ALMS1: variants seen among roughly 807,000 people sequenced by gnomAD.
The protein encoded by ALMS1 is centrosome-associated protein ALMS1.
A neutral mutation model predicts 352.2 loss-of-function variants in ALMS1; 271 were observed. The observed-to-expected ratio is 0.77, with a 90% confidence interval of 0.70 to 0.85. The LOEUF is 0.85. Ranked by LOEUF, ALMS1 falls within the 40% of genes least tolerant of loss-of-function variation. The pLI is 0.00. For missense variants in ALMS1, 5,445 were observed against 4,870.7 expected (o/e 1.12, Z -3.51); for synonymous variants, 1,865 against 1,761.2 (o/e 1.06, Z -1.48).
At chr2:73,480,871 CTTCTT>C (rs1672686265) in intron 9 of ALMS1, among the ~76,000 whole-genome samples, 1 of 150,278 alleles carries the variant, frequency 6.7e-6, no homozygotes, top group Admixed American at 6.7e-5. Flanking sequence ...GCATAAATGT[CTTCTT>C]TTGAGAAGTG....
intron 16 of ALMS1, among the ~76,000 whole-genome samples, chr2:73,573,751 TG>T (rs1043847118): frequency 1.9e-5 from 2 of 105,370 alleles, no homozygotes; most frequent in Admixed American, 8.5e-5. Context: ...TATGTTTATT[TG>T]GGTTTTTTTT....
intron 9 of ALMS1, among the ~76,000 whole-genome samples, chr2:73,462,260 G>A (rs1360618057): frequency 1.9e-4 from 28 of 150,934 alleles, no homozygotes; most frequent in Middle Eastern, 3.4e-3. Flanking sequence ...CGGATCTCTC[G>A]GCAGAAACCC....
chr2:73,425,218 A>G (rs1408013548), intron 5 of ALMS1, among the ~76,000 whole-genome samples: 1 of 152,182 alleles, frequency 6.6e-6, no homozygotes, highest in Non-Finnish European at 1.5e-5. Flanking sequence ...GCTGAGATTG[A>G]GGTGAAACAA....
intron 13 of ALMS1, among the ~76,000 whole-genome samples, chr2:73,556,391 A>C (rs1486016242): frequency 6.6e-6 from 1 of 152,206 alleles, no homozygotes; most frequent in Non-Finnish European, 1.5e-5. Flanking sequence ...AAAATCAAAA[A>C]TGATCAAAAA....
At chr2:73,522,106 G>A (rs1673693360) in intron 11 of ALMS1, among the ~76,000 whole-genome samples, 1 of 152,130 alleles carries the variant, frequency 6.6e-6, no homozygotes, top group African/African-American at 2.4e-5. Context: ...TAGACAGGCA[G>A]TCCAGTGTAA....
intron 10 of ALMS1, among the ~76,000 whole-genome samples, chr2:73,497,855 C>T (rs148779727): frequency 3.6e-4 from 55 of 152,054 alleles, no homozygotes; most frequent in East Asian, 3.5e-3. Flanking sequence ...AGTGTGTGCA[C>T]GTGTCTTTTT....
chr2:73,443,990 A>G (rs2103762487), intron 7 of ALMS1, among the ~76,000 whole-genome samples: 1 of 152,110 alleles, frequency 6.6e-6, no homozygotes, highest in Admixed American at 6.5e-5. Flanking sequence ...ATTGGGGTTT[A>G]TGTTCCCTGC....
At position 73,385,952 on chromosome 2, in the gene ALMS1, G is replaced by A. The variant is rs1320426629; in HGVS notation, c.84G>A (p.Glu28=). The change falls in exon 1 of 23, where the codon GAG becomes GAA. Residue 28 remains glutamate, a synonymous_variant. Coordinates refer to ENST00000613296, the MANE Select transcript of ALMS1 (RefSeq NM_001378454.1). ...AGGAGGAGGAGGAGGAAGAGGAGGA[G>A]GCTGCAGCGGCGGCGGCGGCGAACG... ...EEEEEEEEEE[E]AAAAAAANVD... The A allele has an allele frequency of 1.5e-6, 2 of 1,349,680 alleles. No homozygotes were observed. The highest frequency in any genetic ancestry group is 2.1e-6 in the Non-Finnish European group (2 of 965,596). 83.6% of individuals were successfully genotyped at this position (1,349,680 alleles called of 1,614,324 possible).
chr2:73,451,865 G>A lies in ALMS1; in HGVS notation c.5338G>A (p.Glu1780Lys). The change falls in exon 8 of 23, where the codon GAA (glutamate) becomes AAA (lysine). Residue 1780 changes from glutamate to lysine, a missense_variant. By Grantham distance (56) the Glu-to-Lys change is moderately conservative (BLOSUM62 1). Coordinates refer to ENST00000613296, the MANE Select transcript of ALMS1 (RefSeq NM_001378454.1). ...AGAGTTGCCAGATAGTCATCTAACT[G>A]AAGAGGCTCTGAAAGTTTCAAATGT... ...QQELPDSHLT[E>K]EALKVSNVPG... The A allele has an allele frequency of 6.2e-7, 1 of 1,613,350 alleles. No individual in the cohort carries two copies. The highest frequency in any genetic ancestry group is 2.2e-5 in the East Asian group (1 of 44,846).
intron 15 of ALMS1, among the ~76,000 whole-genome samples, chr2:73,571,721 TA>T (rs1041274661): frequency 5.0e-4 from 76 of 151,246 alleles, no homozygotes; most frequent in Non-Finnish European, 9.9e-4. Flanking sequence ...TTTACCACAA[TA>T]AAAAAAAATT....
chr2:73,451,212 G>A lies in ALMS1; in HGVS notation c.4685G>A (p.Gly1562Asp). 3.7e-6 allele frequency: 6 copies of A among 1,610,664 alleles called. No homozygotes were observed. Among genetic ancestry groups the A allele is most frequent in the Non-Finnish European group, 4.2e-6 (5 of 1,179,074 alleles). The stretch of plus-strand genomic sequence containing the variant: ...CCTGGACCAGCTGACCAGACAACTG[G>A]CATACCAACCATAACCTCTACTTCC... The part of the protein sequence containing the change: ...SAPGPADQTT[G>D]IPTITSTSYS... Residue 1562 changes from glycine (G) to aspartate (D), a missense_variant, in exon 8 of 23, where the codon GGC (glycine) becomes GAC (aspartate). Gly to Asp is a moderately conservative substitution (Grantham distance 94, BLOSUM62 -1). Coordinates refer to ENST00000613296, the MANE Select transcript of ALMS1 (RefSeq NM_001378454.1).
chr2:73,575,572 T>C (rs1675034856), intron 16 of ALMS1, among the ~76,000 whole-genome samples: 1 of 152,226 alleles, frequency 6.6e-6, no homozygotes, highest in Non-Finnish European at 1.5e-5. Flanking sequence ...CTAGTGATTA[T>C]TCATGTTGCA....
At chr2:73,399,130 C>T (rs1383632113) in intron 1 of ALMS1, among the ~76,000 whole-genome samples, 4 of 152,290 alleles carry the variant, frequency 2.6e-5, no homozygotes, top group South Asian at 2.1e-4. Context: ...GGATTACAGG[C>T]GTGAGCCACT....
Position 73,452,901 on chromosome 2 carries a change from C to T in ALMS1, c.6374C>T (p.Pro2125Leu). ...GATGTGCTGAAGGTTTCAACAATTC[C>T]TGGACCAGCTGGCCAGAAAACAGTA... ...TEDVLKVSTI[P>L]GPAGQKTVLP... Residue 2125 changes from proline (P) to leucine (L), a missense_variant, in exon 8 of 23, where the codon CCT becomes CTT. Physicochemically the swap from Pro to Leu is moderately conservative, Grantham distance 98 (BLOSUM62 -3). Transcript: ENST00000613296. The T allele has an allele frequency of 6.2e-7, 1 of 1,613,832 alleles. No individual in the cohort carries two copies. The highest frequency in any genetic ancestry group is 1.3e-5 in the African/African-American group (1 of 75,030).
chr2:73,575,104 G>T (rs79404913), intron 16 of ALMS1, among the ~76,000 whole-genome samples: 1 of 152,044 alleles, frequency 6.6e-6, no homozygotes, highest in Non-Finnish European at 1.5e-5. Flanking sequence ...TCAATACTTC[G>T]TTGCTTTTTA....
intron 9 of ALMS1, 22 bp downstream of exon 9, chr2:73,455,317 G>A: frequency 1.2e-6 from 2 of 1,613,312 alleles, no homozygotes; most frequent in Non-Finnish European, 1.7e-6. Context: ...ATCTGGAAAT[G>A]AAGAAAGTAA....
intron 22 of ALMS1, 102 bp downstream of exon 22, chr2:73,608,676 G>T (rs927454190): frequency 2.2e-6 from 2 of 902,058 alleles, no homozygotes; most frequent in Admixed American, 4.0e-5. Flanking sequence ...AGAATGAACC[G>T]CATTTGAGGA....
chr2:73,600,957 T>G, intron 18 of ALMS1, 76 bp downstream of exon 18: 1 of 1,511,616 alleles, frequency 6.6e-7, no homozygotes. Context: ...ACTCTGTGTT[T>G]CCAAGTGACT....
At chr2:73,504,203 T>A (rs1250386399) in intron 10 of ALMS1, among the ~76,000 whole-genome samples, 1 of 152,166 alleles carries the variant, frequency 6.6e-6, no homozygotes, top group Non-Finnish European at 1.5e-5. Flanking sequence ...TAAATTGATA[T>A]TGGCACAATA....
Sources: allele counts gnomAD v4.1 joint callset (sites outside exome capture counted in the v4.1 genomes callset), GRCh38; gene constraint gnomAD v4.1.1; transcripts MANE v1.5; gene names NCBI Gene and HGNC (gene_info 2026-07-23, HGNC 2026-07-21).